The following CEP63 variants were observed in gnomAD, a reference collection of about 807,000 sequenced individuals.
The protein encoded by CEP63 is centrosomal protein 63.
Under a neutral mutation model 89.1 loss-of-function variants are expected in CEP63, and 84 were observed. The ratio of observed to expected loss-of-function variants is 0.94; its 90% CI spans 0.79 to 1.13. The LOEUF is 1.13. CEP63 is among the 50% of genes most tolerant of loss of function. The probability of loss-of-function intolerance (pLI) is 0.00; values close to 1 mark genes in which losing one functional copy is unlikely to be tolerated. For synonymous variants in CEP63, 267 were observed against 272.5 expected, an observed-to-expected ratio of 0.98 and a Z score of 0.20; for missense variants, 838 against 813.3, an observed-to-expected ratio of 1.03 and a Z score of -0.37.
intron 12 of CEP63, among the ~76,000 whole-genome samples, chr3:134,557,321 T>G (rs555890370): frequency 1.1e-4 from 16 of 150,168 alleles, no homozygotes; most frequent in African/African-American, 3.7e-4. Context: ...TTTATGTTTT[T>G]GTTAGGAAAA....
chr3:134,755,944 C>T, the CEP63 span, among the ~76,000 whole-genome samples: 1 of 152,198 alleles, frequency 6.6e-6, no homozygotes, highest in African/African-American at 2.4e-5. Context: ...AAGGCTCACA[C>T]GGGTCCACAG....
At chr3:134,494,234 G>C (rs965406902) in intron 1 of CEP63, among the ~76,000 whole-genome samples, 3 of 151,310 alleles carry the variant, frequency 2.0e-5, no homozygotes, top group Non-Finnish European at 4.4e-5. Flanking sequence ...TCCTACCTCA[G>C]CCTCCCCATG....
the CEP63 span, among the ~76,000 whole-genome samples, chr3:134,704,859 G>A: frequency 1.3e-5 from 2 of 152,186 alleles, no homozygotes; most frequent in African/African-American, 4.8e-5. Context: ...GGTGGGGCGT[G>A]GCAGGGGTTT....
the CEP63 span, among the ~76,000 whole-genome samples, chr3:134,743,209 T>A: frequency 3.9e-5 from 6 of 152,288 alleles, no homozygotes; most frequent in Non-Finnish European, 7.4e-5. Flanking sequence ...CTCTCCCTGC[T>A]TATGTGTGAG....
At chr3:134,740,646 C>T in the CEP63 span, among the ~76,000 whole-genome samples, 17 of 152,234 alleles carry the variant, frequency 1.1e-4, no homozygotes, top group East Asian at 9.7e-4. Context: ...CTTACCTCTC[C>T]GTGTGGTCAG....
intron 3 of CEP63, among the ~76,000 whole-genome samples, chr3:134,519,013 A>T (rs1576992016): frequency 6.6e-6 from 1 of 152,122 alleles, no homozygotes; most frequent in East Asian, 1.9e-4. Context: ...ACTATGAATG[A>T]CCATGTACCC....
At chr3:134,715,013 C>T in the CEP63 span, among the ~76,000 whole-genome samples, 1 of 152,234 alleles carries the variant, frequency 6.6e-6, no homozygotes. Flanking sequence ...CCAGGGAAGG[C>T]ATCCTGACTT....
downstream of CEP63, among the ~76,000 whole-genome samples, chr3:134,565,477 A>T (rs1957716117): frequency 6.6e-6 from 1 of 152,254 alleles, no homozygotes; most frequent in African/African-American, 2.4e-5. Context: ...TTATAAAATA[A>T]GCTCTATGGC....
chr3:134,739,483 T>A, the CEP63 span, among the ~76,000 whole-genome samples: 3 of 152,326 alleles, frequency 2.0e-5, no homozygotes, highest in African/African-American at 7.2e-5. Flanking sequence ...AGCATACTTA[T>A]AATAGCAAAC....
At chr3:134,749,616 G>A in the CEP63 span, among the ~76,000 whole-genome samples, 1 of 144,248 alleles carries the variant, frequency 6.9e-6, no homozygotes, top group South Asian at 2.2e-4. Context: ...GTGCAACCGG[G>A]AGAGCTGTAC....
At chr3:134,761,456 G>A in the CEP63 span, among the ~76,000 whole-genome samples, 1 of 152,230 alleles carries the variant, frequency 6.6e-6, no homozygotes, top group Admixed American at 6.5e-5. Flanking sequence ...CTCGGTCTGA[G>A]CATTCAGGGA....
chr3:134,500,275 T>C (rs1941559216), intron 2 of CEP63, among the ~76,000 whole-genome samples: 2 of 152,176 alleles, frequency 1.3e-5, no homozygotes, highest in Non-Finnish European at 2.9e-5. Flanking sequence ...GAACATTTTG[T>C]TTTTCTTTTA....
At chr3:134,553,279 A>T (rs953454885) in intron 12 of CEP63, 1 of 152,178 alleles carries the variant, frequency 6.6e-6, no homozygotes, top group African/African-American at 2.4e-5. Context: ...ATGGGGGACT[A>T]TTTTTGTAAT....
At chr3:134,688,796 G>T in the CEP63 span, among the ~76,000 whole-genome samples, 1 of 152,164 alleles carries the variant, frequency 6.6e-6, no homozygotes, top group African/African-American at 2.4e-5. Context: ...CATCATTTTG[G>T]CTTCCACAAA....
the CEP63 span, among the ~76,000 whole-genome samples, chr3:134,654,370 C>T: frequency 6.6e-6 from 1 of 152,136 alleles, no homozygotes; most frequent in African/African-American, 2.4e-5. Context: ...TCTTGGGATT[C>T]CAAGAGGCAA....
chr3:134,706,350 C>T, the CEP63 span, among the ~76,000 whole-genome samples: 1 of 152,086 alleles, frequency 6.6e-6, no homozygotes, highest in Non-Finnish European at 1.5e-5. Context: ...TTACTTAGGG[C>T]AAGTCATTTT....
At chr3:134,719,749 C>T in the CEP63 span, among the ~76,000 whole-genome samples, 1 of 152,132 alleles carries the variant, frequency 6.6e-6, no homozygotes, top group Non-Finnish European at 1.5e-5. Context: ...TTATGCCTGA[C>T]TTATTTAGTA....
the CEP63 span, among the ~76,000 whole-genome samples, chr3:134,677,597 T>C: frequency 2.6e-5 from 4 of 152,240 alleles, no homozygotes; most frequent in Admixed American, 1.3e-4. Flanking sequence ...TTCCTGGACA[T>C]TTGTGCCTCA....
chr3:134,658,811 T>C, the CEP63 span, among the ~76,000 whole-genome samples: 1 of 152,110 alleles, frequency 6.6e-6, no homozygotes, highest in Admixed American at 6.5e-5. Context: ...CGCTGCTCAG[T>C]CCCATGCAGA....
Sources: allele counts gnomAD v4.1 joint callset (sites outside exome capture counted in the v4.1 genomes callset), GRCh38; gene constraint gnomAD v4.1.1; transcripts MANE v1.5; gene names NCBI Gene and HGNC (gene_info 2026-07-23, HGNC 2026-07-21).